Variants in TTLL11 observed in about 807,000 individuals in gnomAD.
TTLL11 encodes the protein tubulin tyrosine ligase like 11, also known as tubulin polyglutamylase TTLL11.
Under a neutral mutation model 51.7 loss-of-function variants are expected in TTLL11, and 42 were observed. The ratio of observed to expected loss-of-function variants is 0.81; its 90% CI spans 0.64 to 1.05. The LOEUF (loss-of-function observed/expected upper bound fraction) is 1.05, where lower values mean the gene tolerates loss of function less well. TTLL11 is among the 50% of genes least tolerant of loss of function. The pLI, the probability that TTLL11 is intolerant of heterozygous loss-of-function variation, is 0.00. For missense variants in TTLL11, 799 were observed against 940.4 expected, an observed-to-expected ratio of 0.85 and a Z score of 1.97; for synonymous variants, 381 against 383.5, an observed-to-expected ratio of 0.99 and a Z score of 0.08.
chr9:121,860,413 G>T lies in TTLL11; in HGVS notation c.1764C>A (p.Ser588=), dbSNP rs1274619033. 2.6e-5 allele frequency: 41 copies of T among 1,551,218 alleles called. No individual in the cohort carries two copies. Among genetic ancestry groups the T allele is most frequent in the Non-Finnish European group, 3.6e-5 (41 of 1,146,950 alleles). ...TGTAGAGGATGTCCACGGCAGCCAT[G>T]GACAGGCTGCTGCTGCTGAGTTTGC... is the stretch of plus-strand genomic sequence containing the variant. The part of the protein sequence containing the change: ...RSCKLSSSSL[S]MAAVDILYID... Residue 588 remains serine, a synonymous_variant, in exon 8 of 9, where the codon TCC becomes TCA. Coordinates refer to ENST00000321582, the MANE Select transcript of TTLL11 (RefSeq NM_001139442.2).
chr9:121,871,831 C>G (rs146595252), intron 6 of TTLL11, among the ~76,000 whole-genome samples: 1 of 152,170 alleles, frequency 6.6e-6, no homozygotes, highest in South Asian at 2.1e-4. Flanking sequence ...GCCCTGGAAC[C>G]GGAGACTCCA....
rs140429854 is a variant in TTLL11 at position 121,964,809 on chromosome 9, C to T, written c.1481+9200G>A. ...TTTCAAATCCTACTCACGCTTTAAACCTCAGGTCAAGTGCCACCTCCTTGT... is the reference window on the plus strand; with the variant it reads ...TTTCAAATCCTACTCACGCTTTAAATCTCAGGTCAAGTGCCACCTCCTTGT... On this transcript the variant is annotated intron_variant, in intron 6 of 8. Coordinates refer to ENST00000321582, the MANE Select transcript of TTLL11 (RefSeq NM_001139442.2). Among the ~76,000 whole-genome samples, 319 of 152,272 alleles carry T rather than the reference C, an allele frequency of 2.1e-3. 2 individuals carry two copies. Among genetic ancestry groups the T allele is most frequent in the African/African-American group, 7.2e-3 (300 of 41,560 alleles).
intron 8 of TTLL11, 26 bp downstream of exon 8, chr9:121,860,311 C>T (rs544933823): frequency 1.3e-6 from 2 of 1,532,354 alleles, no homozygotes; most frequent in Admixed American, 2.0e-5. Flanking sequence ...CCCCCACAGG[C>T]CATGGCAGAG....
rs117346316 is a variant in TTLL11, at chr9:121,941,930, C to A, written c.1481+32079G>T. Among the ~76,000 whole-genome samples the A allele has an allele frequency of 5.3e-5, 8 of 152,252 alleles. No individual in the cohort carries two copies. The East Asian group carries it at 1.5e-3, about 29-fold the overall frequency. ...CTGCCTCCAAACACTCTGACCCTTC[C>A]CTCTTTCTCTTTCCCCACTGCTGCA... On this transcript the variant is annotated intron_variant, in intron 6 of 8. Coordinates refer to ENST00000321582, the MANE Select transcript of TTLL11 (RefSeq NM_001139442.2).
intron 6 of TTLL11, among the ~76,000 whole-genome samples, chr9:121,935,438 A>G (rs1841166245): frequency 6.6e-6 from 1 of 152,226 alleles, no homozygotes; most frequent in Non-Finnish European, 1.5e-5. Flanking sequence ...CAAGGACCCC[A>G]CTTATAGAAC....
At chr9:121,829,774 TACACACACAC>T (rs10536790) in intron 8 of TTLL11, among the ~76,000 whole-genome samples, 59 of 144,082 alleles carry the variant, frequency 4.1e-4, no homozygotes, top group African/African-American at 8.3e-4. Context: ...ATAATTCAAG[TACACACACAC>T]ACACACACAC....
At chr9:121,983,062 T>A (rs1408155703) in intron 4 of TTLL11, among the ~76,000 whole-genome samples, 1 of 152,090 alleles carries the variant, frequency 6.6e-6, no homozygotes, top group East Asian at 1.9e-4. Context: ...AAGTGCGAGG[T>A]GATGGCTGCC....
rs564852179 is a variant in TTLL11, at chr9:121,862,989, A to C, written c.1734-2546T>G. Among the ~76,000 whole-genome samples the C allele has an allele frequency of 9.4e-4, 143 of 152,264 alleles. 1 individual carries two copies. Among genetic ancestry groups the C allele is most frequent in the South Asian group, 7.5e-3 (36 of 4,818 alleles). On this transcript the variant is annotated intron_variant, in intron 7 of 8. Coordinates refer to ENST00000321582, the MANE Select transcript of TTLL11 (RefSeq NM_001139442.2). ...TGGGCATGTGCCCCGCATGGTGCCC[A>C]GACGAGCCTGGTGCTCCTTGTATGC...
At chr9:121,954,777 T>C (rs1415887967) in intron 6 of TTLL11, among the ~76,000 whole-genome samples, 2 of 152,168 alleles carry the variant, frequency 1.3e-5, no homozygotes, top group East Asian at 3.8e-4. Context: ...ACCTAATACC[T>C]GTTGGTTTAA....
chr9:121,970,726 T>C lies in TTLL11; in HGVS notation c.1481+3283A>G, dbSNP rs547027718. ...AGATGCTGGAGAGAATGTGGAGAAA[T>C]AGGAACACTTTTACACTGTTGGTGG... is the stretch of plus-strand genomic sequence containing the variant. On this transcript the variant is annotated intron_variant, in intron 6 of 8. Transcript: ENST00000321582. Among the ~76,000 whole-genome samples, 32 of 152,308 alleles carry C rather than the reference T, an allele frequency of 2.1e-4. No individual in the cohort carries two copies. In the East Asian group the frequency reaches 5.8e-3, roughly 28 times the overall value.
chr9:121,916,029 A>ACACG (rs1554768410), intron 6 of TTLL11, among the ~76,000 whole-genome samples: 159 of 134,392 alleles, frequency 1.2e-3, no homozygotes, highest in African/African-American at 3.9e-3. Context: ...ACACACACAC[A>ACACG]CACACTGAGG....
intron 8 of TTLL11, among the ~76,000 whole-genome samples, chr9:121,829,815 C>A (rs1023949183): frequency 1.0e-4 from 15 of 144,482 alleles, no homozygotes; most frequent in African/African-American, 2.1e-4. Context: ...ACACACACAC[C>A]ACACACACAC....
chr9:121,857,812 C>G (rs937117893), intron 8 of TTLL11, among the ~76,000 whole-genome samples: 7 of 152,194 alleles, frequency 4.6e-5, no homozygotes, highest in African/African-American at 1.4e-4. Context: ...AAGAGGCAAA[C>G]AAAACATGAA....
intron 6 of TTLL11, among the ~76,000 whole-genome samples, chr9:121,900,731 G>A (rs1839743657): frequency 6.6e-6 from 1 of 152,062 alleles, no homozygotes; most frequent in African/African-American, 2.4e-5. Flanking sequence ...GTATCTTTCA[G>A]TTGTTTATCA....
At chr9:122,063,906 T>C (rs1324194731) in intron 1 of TTLL11, among the ~76,000 whole-genome samples, 1 of 152,228 alleles carries the variant, frequency 6.6e-6, no homozygotes, top group Non-Finnish European at 1.5e-5. Context: ...CAAGTCTTTC[T>C]CATACCCTTT....
At chr9:122,031,689 A>C in intron 3 of TTLL11, 34 bp downstream of exon 3, 3 of 1,606,850 alleles carry the variant, frequency 1.9e-6, no homozygotes, top group Non-Finnish European at 2.5e-6. Context: ...AGCATAATAT[A>C]ATTCAGGGGT....
intron 6 of TTLL11, among the ~76,000 whole-genome samples, chr9:121,883,091 C>T (rs755262290): frequency 1.3e-5 from 2 of 152,054 alleles, no homozygotes; most frequent in Admixed American, 1.3e-4. Context: ...GGCAGGGTGA[C>T]CTTTGGGCGT....
intron 6 of TTLL11, among the ~76,000 whole-genome samples, chr9:121,871,985 A>G (rs903035488): frequency 1.3e-4 from 20 of 152,230 alleles, no homozygotes; most frequent in African/African-American, 4.6e-4. Flanking sequence ...CCTGAGACAG[A>G]ACCTCGAGCA....
intron 6 of TTLL11, among the ~76,000 whole-genome samples, chr9:121,930,902 T>C (rs1444054445): frequency 6.6e-6 from 1 of 152,224 alleles, no homozygotes; most frequent in Non-Finnish European, 1.5e-5. Flanking sequence ...TTATTAAGGT[T>C]GTAAGTATCA....
Sources: allele counts gnomAD v4.1 joint callset (sites outside exome capture counted in the v4.1 genomes callset), GRCh38; gene constraint gnomAD v4.1.1; transcripts MANE v1.5; gene names NCBI Gene and HGNC (gene_info 2026-07-23, HGNC 2026-07-21).